TENM1: variants seen among roughly 807,000 people sequenced by gnomAD.
TENM1 encodes the protein teneurin transmembrane protein 1, also known as teneurin-1.
TENM1 carries 35 observed loss-of-function variants against 174.8 expected under a neutral mutation model. That is an observed-to-expected ratio of 0.20 (90% CI 0.15 to 0.27). The LOEUF (loss-of-function observed/expected upper bound fraction) is 0.27. Among genes scored for constraint, TENM1 ranks in the 10% least tolerant of loss-of-function variants. The pLI is 1.00. For missense variants in TENM1, 1,633 were observed against 2,130.1 expected (o/e 0.77, Z 4.59); for synonymous variants, 781 against 798.7 (o/e 0.98, Z 0.37).
chrX:124,507,735 C>T (rs1490531028), intron 18 of TENM1, among the ~76,000 whole-genome samples: 1 of 111,686 alleles, frequency 9.0e-6, no homozygotes. Flanking sequence ...AGGAGATTGA[C>T]ATTAAGTAGC....
At chrX:124,621,198 G>T (rs2050509557) in intron 11 of TENM1, among the ~76,000 whole-genome samples, 1 of 111,825 alleles carries the variant, frequency 8.9e-6, no homozygotes, top group African/African-American at 3.3e-5. Context: ...CCCAATGCAG[G>T]GTGCGGTGGC....
At chrX:124,775,835 A>G (rs924587608) in intron 3 of TENM1, among the ~76,000 whole-genome samples, 2 of 111,702 alleles carry the variant, frequency 1.8e-5, no homozygotes, top group Non-Finnish European at 3.8e-5. Flanking sequence ...GTCCACTTAC[A>G]TGCTGATTTT....
Position 124,891,461 on chromosome X carries a change from C to T in TENM1, c.535+2835G>A, listed in dbSNP as rs751652022. On this transcript the variant is annotated intron_variant, in intron 3 of 31. Coordinates refer to ENST00000422452, the Ensembl canonical transcript of TENM1. ...AGATCACGAGGTCAAGAGATTGAGA[C>T]CATCCTGGCCAACGTGGTGAAACCT... Among the ~76,000 whole-genome samples, 38 of 110,305 alleles carry T rather than the reference C, an allele frequency of 3.4e-4. No individual in the cohort carries two copies. The South Asian group carries it at 0.014, about 40-fold the overall frequency.
chrX:124,411,944 G>A (rs1422843628), intron 25 of TENM1: 5 of 111,916 alleles, frequency 4.5e-5, no homozygotes, highest in Non-Finnish European at 9.4e-5. Context: ...ATGCTCCAAC[G>A]AATCCCTTCA....
intron 3 of TENM1, among the ~76,000 whole-genome samples, chrX:124,774,108 T>C (rs760899764): frequency 8.9e-6 from 1 of 112,058 alleles, no homozygotes; most frequent in African/African-American, 3.2e-5. Flanking sequence ...TTAGAGACTG[T>C]AAAAAATGCA....
At chrX:125,164,485 C>A in the TENM1 span, among the ~76,000 whole-genome samples, 3 of 111,977 alleles carry the variant, frequency 2.7e-5, no homozygotes, top group South Asian at 1.1e-3. Context: ...AAGCCATCAA[C>A]AAATAATACA....
intron 11 of TENM1, among the ~76,000 whole-genome samples, chrX:124,579,490 CCTT>C (rs2049250126): frequency 8.9e-6 from 1 of 111,833 alleles, no homozygotes; most frequent in Non-Finnish European, 1.9e-5. Flanking sequence ...TTGAATGACA[CCTT>C]CTTCAGGCAA....
chrX:124,853,396 T>C (rs1474444077), intron 3 of TENM1, among the ~76,000 whole-genome samples: 1 of 110,842 alleles, frequency 9.0e-6, no homozygotes, highest in Non-Finnish European at 1.9e-5. Context: ...AGATTAATAA[T>C]GCAAGCGAGA....
chrX:125,142,810 T>C, the TENM1 span, among the ~76,000 whole-genome samples: 1 of 111,352 alleles, frequency 9.0e-6, no homozygotes, highest in Non-Finnish European at 1.9e-5. Flanking sequence ...ATGCTGTCTA[T>C]ACATAGTCCC....
At chrX:125,172,984 A>G in the TENM1 span, among the ~76,000 whole-genome samples, 1 of 111,676 alleles carries the variant, frequency 9.0e-6, no homozygotes, top group African/African-American at 3.2e-5. Context: ...CTGGCTTGAT[A>G]AACCACATAG....
chrX:124,378,947 A>T (rs1451719550), exon 32 of TENM1: 1 of 112,534 alleles, frequency 8.9e-6, no homozygotes, highest in African/African-American at 3.2e-5. Flanking sequence ...CGGTGATGAA[A>T]GTGCAGAAGC....
At chrX:124,382,540 T>G in intron 31 of TENM1, 130 bp downstream of exon 34, 5 of 595,152 alleles carry the variant, frequency 8.4e-6, no homozygotes, top group Non-Finnish European at 1.3e-5. Context: ...TTCTCATTAA[T>G]TGTGCACGTT....
At chrX:124,589,834 T>A (rs1214013104) in intron 11 of TENM1, among the ~76,000 whole-genome samples, 2 of 111,737 alleles carry the variant, frequency 1.8e-5, no homozygotes, top group African/African-American at 6.5e-5. Flanking sequence ...GCTAGTGGTG[T>A]ATCCATCTTT....
At chrX:124,626,878 A>G (rs1167646645) in intron 11 of TENM1, among the ~76,000 whole-genome samples, 2 of 112,377 alleles carry the variant, frequency 1.8e-5, no homozygotes, top group Non-Finnish European at 3.8e-5. Context: ...AGGATGTGGG[A>G]TAAATCTGTA....
At chrX:124,463,838 TG>T (rs1569533021) in intron 22 of TENM1, among the ~76,000 whole-genome samples, 11 of 60,062 alleles carry the variant, frequency 1.8e-4, no homozygotes, top group African/African-American at 1.4e-3. Context: ...GAGGTTGGGG[TG>T]TGTGTGTGTG....
At chrX:125,102,974 G>C in the TENM1 span, among the ~76,000 whole-genome samples, 11 of 112,046 alleles carry the variant, frequency 9.8e-5, no homozygotes, top group African/African-American at 3.2e-4. Flanking sequence ...GGAAAATTCT[G>C]CTGAAGTGCA....
exon 18 of TENM1, chrX:124,520,716 A>G: frequency 2.5e-6 from 3 of 1,208,955 alleles, no homozygotes; most frequent in Non-Finnish European, 3.4e-6. Flanking sequence ...TTTTATACCC[A>G]GGGGTGCGGC....
chrX:124,846,746 C>G (rs914975181), intron 3 of TENM1, among the ~76,000 whole-genome samples: 1 of 111,087 alleles, frequency 9.0e-6, no homozygotes, highest in Non-Finnish European at 1.9e-5. Flanking sequence ...AAAAAGAGAT[C>G]TGGTTATCCA....
chrX:125,173,539 A>G, the TENM1 span, among the ~76,000 whole-genome samples: 6 of 111,125 alleles, frequency 5.4e-5, no homozygotes, highest in African/African-American at 1.6e-4. Context: ...CTCCATTGCC[A>G]TGGAGCTTAT....
Sources: gnomAD v4.1 joint callset for allele counts (sites outside exome capture counted in the v4.1 genomes callset) on GRCh38, gnomAD v4.1.1 for gene constraint, MANE v1.5 for transcripts, NCBI Gene and HGNC (gene_info 2026-07-23, HGNC 2026-07-21) for gene names.